Variants in ANTKMT observed in about 807,000 individuals in gnomAD.
ANTKMT encodes adenine nucleotide translocase lysine methyltransferase, also known as adenine nucleotide translocase lysine N-methyltransferase.
Under a neutral mutation model 20.7 loss-of-function variants are expected in ANTKMT, and 24 were observed. The ratio of observed to expected loss-of-function variants is 1.16; its 90% CI spans 0.84 to 1.63. The LOEUF is 1.63. ANTKMT is among the 40% of genes most tolerant of loss of function. The pLI, the probability that ANTKMT is intolerant of heterozygous loss-of-function variation, is 0.00. For synonymous variants in ANTKMT, 193 were observed against 161.2 expected (o/e 1.20, Z -1.49); for missense variants, 428 against 334.8 (o/e 1.28, Z -2.17).
intron 1 of ANTKMT, 28 bp from the exon 2 acceptor site, chr16:721,570 A>G: frequency 2.0e-6 from 3 of 1,527,376 alleles, no homozygotes; most frequent in African/African-American, 2.8e-5. Flanking sequence ...GGGAGCGGCC[A>G]GTGGACTCTC....
In ANTKMT at chr16:722,122, G is replaced by A. The variant is rs770607662; in HGVS notation, c.447G>A (p.Leu149=). 1.2e-5 allele frequency: 20 copies of A among 1,608,982 alleles called. No individual in the cohort carries two copies. The Middle Eastern group carries it at 4.9e-4, about 40-fold the overall frequency. The change falls in exon 4 of 5, where the codon CTG becomes CTA. Residue 149 remains leucine, a synonymous_variant. Coordinates refer to ENST00000569529, the MANE Select transcript of ANTKMT (RefSeq NM_023933.3). ...ACTGCCGCAACGTGTCTGTGTTCCT[G>A]GCCCCTAGCGTGGTAGGTGCGGGGT... is the stretch of plus-strand genomic sequence containing the variant. ...LRDCRNVSVF[L]APSVLPLLED...
rs1032775585 is a variant in ANTKMT, at chr16:721,837, G to A, written c.304G>A (p.Val102Met). The A allele has an allele frequency of 3.8e-6, 6 of 1,559,920 alleles. No individual in the cohort carries two copies. The highest frequency in any genetic ancestry group is 5.2e-6 in the Non-Finnish European group (6 of 1,158,196). Residue 102 changes from valine (V) to methionine (M), a missense_variant, in exon 3 of 5, where the codon GTG (valine) becomes ATG (methionine). Transcript: ENST00000569529. ...CCACAGGTGCGGCCTCCGCCCGGCC[G>A]TGGGCTACGAGCTGAACCCCTGGCT... is the stretch of plus-strand genomic sequence containing the variant. ...AAHRCGLRPA[V>M]GYELNPWLVA...
intron 4 of ANTKMT, 45 bp downstream of exon 4, chr16:722,179 C>A (rs746905773): frequency 2.5e-6 from 4 of 1,596,278 alleles, no homozygotes; most frequent in Non-Finnish European, 3.4e-6. Flanking sequence ...CCAGCCACAC[C>A]CCAGGGTGTT....
At position 722,066 on chromosome 16, in the gene ANTKMT, C is replaced by A. The variant is rs371524648; in HGVS notation, c.409-18C>A. 1.3e-6 allele frequency: 2 copies of A among 1,597,594 alleles called. No individual in the cohort carries two copies. The highest frequency in any genetic ancestry group is 1.1e-5 in the South Asian group (1 of 88,500). On this transcript the variant is annotated intron_variant, in intron 3 of 4. Coordinates refer to ENST00000569529, the MANE Select transcript of ANTKMT (RefSeq NM_023933.3). ...CCACCAGGCCTCTCCCCGGCCGGGGCGACTTCTCTTCCGGCAGGTGAGCCT... is the reference window on the plus strand; with the variant it reads ...CCACCAGGCCTCTCCCCGGCCGGGGAGACTTCTCTTCCGGCAGGTGAGCCT...
In ANTKMT at chr16:721,184, A is replaced by G; in HGVS notation, c.-91A>G. 3 of 1,170,358 alleles carry G rather than the reference A, an allele frequency of 2.6e-6. No homozygotes were observed. The highest frequency in any genetic ancestry group is 2.1e-6 in the Non-Finnish European group (2 of 941,214). The allele number at this position is 1,170,358 out of a possible 1,614,324, so 72.5% of individuals were successfully genotyped here. On this transcript the variant is annotated 5_prime_UTR_variant, in exon 1 of 5. Transcript: ENST00000569529. Reference sequence around the variant, plus strand: ...CGCGGCGGCTCCCGGCAGGAGGCAGAGGGCACACCGCCAGCCCCAGGCCAG... The same window carrying G: ...CGCGGCGGCTCCCGGCAGGAGGCAGGGGGCACACCGCCAGCCCCAGGCCAG...
In ANTKMT at chr16:722,535, G is replaced by A. The variant is rs752560338; in HGVS notation, c.686G>A (p.Gly229Asp). The change falls in exon 5 of 5, where the codon GGC (glycine) becomes GAC (aspartate). Residue 229 changes from glycine (G) to aspartate (D), a missense_variant. Gly to Asp is a moderately conservative substitution (Grantham distance 94). Transcript: ENST00000569529. ...PGPSSAPIPG[G>D]LISQAS ...CCTAGTTCTGCCCCCATCCCGGGGG[G>A]CCTTATTTCTCAGGCCAGCTGAGTA... The A allele has an allele frequency of 2.5e-6, 4 of 1,604,394 alleles. No homozygotes were observed. Among genetic ancestry groups the A allele is most frequent in the South Asian group, 2.2e-5 (2 of 90,938 alleles).
At chr16:722,004 TG>T (rs1210829240) in intron 3 of ANTKMT, 63 bp downstream of exon 3, 2 of 1,551,126 alleles carry the variant, frequency 1.3e-6, no homozygotes, top group African/African-American at 1.4e-5. Flanking sequence ...CTGCGAGGGC[TG>T]GGGGCCGGGA....
At chr16:721,726 CGCCGCCCCACACCGCCCACCTGCT>C in intron 2 of ANTKMT, 24 bp downstream of exon 2, 2 of 1,545,544 alleles carry the variant, frequency 1.3e-6, no homozygotes, top group South Asian at 1.2e-5. Flanking sequence ...TCTGGGTCTT[CGCCGCCCCACACCGCCCACCTGCT>C]GGCGGGCGCC....
At position 722,438 on chromosome 16, in the gene ANTKMT, TATG is replaced by T; in HGVS notation, c.593_595del (p.Asp198del). 4 of 1,610,428 alleles carry T rather than the reference TATG, an allele frequency of 2.5e-6. No homozygotes were observed. In the African/African-American group the frequency reaches 4.0e-5, roughly 16 times the overall value. On this transcript the variant is annotated inframe_deletion, in exon 5 of 5. Coordinates refer to ENST00000569529, the MANE Select transcript of ANTKMT (RefSeq NM_023933.3). Reference sequence around the variant, plus strand: ...CGAGGGCCTGGACCGAGTATGGGCTTATGATGTTCCTGAGGGTGGGCAGGCTGG... The same window carrying T: ...CGAGGGCCTGGACCGAGTATGGGCTTATGTTCCTGAGGGTGGGCAGGCTGG...
rs1391651572 is a variant in ANTKMT at position 721,862 on chromosome 16, T to A, written c.329T>A (p.Leu110Gln). ...GTGGGCTACGAGCTGAACCCCTGGCTGGTGGCGCTGGCGCGGCTGCACGCC... is the reference window on the plus strand; with the variant it reads ...GTGGGCTACGAGCTGAACCCCTGGCAGGTGGCGCTGGCGCGGCTGCACGCC... ...PAVGYELNPW[L>Q]VALARLHAWR... Residue 110 changes from leucine to glutamine, a missense_variant, in exon 3 of 5, where the codon CTG (leucine) becomes CAG (glutamine). By Grantham distance (113) the Leu-to-Gln change is moderately radical. Transcript: ENST00000569529. 6.4e-7 allele frequency: 1 copy of A among 1,566,284 alleles called. No homozygotes were observed. Among genetic ancestry groups the A allele is most frequent in the Non-Finnish European group, 8.6e-7 (1 of 1,162,946 alleles).
chr16:721,281 C>T lies in ANTKMT; in HGVS notation c.7C>T (p.Gln3Ter). The change falls in exon 1 of 5, where the codon CAG becomes TAG. Residue 3 changes from glutamine (Q) to a stop codon, truncating the protein, a stop_gained. Coordinates refer to ENST00000569529, the MANE Select transcript of ANTKMT (RefSeq NM_023933.3). LOFTEE classifies it high-confidence loss of function. Reference sequence around the variant, plus strand: ...AGCCGCGCGTCCCGCAGCCATGGAGCAGGACGACCCGGTCGAGGCGCTGAC... The same window carrying T: ...AGCCGCGCGTCCCGCAGCCATGGAGTAGGACGACCCGGTCGAGGCGCTGAC... The part of the protein sequence containing the change: ME[Q>*]DDPVEALTEL... The T allele has an allele frequency of 7.6e-7, 1 of 1,320,642 alleles. No homozygotes were observed. The allele number at this position is 1,320,642 out of a possible 1,614,324, so 81.8% of individuals were successfully genotyped here.
chr16:722,282 C>T (rs757989602), intron 4 of ANTKMT, 27 bp from the exon 5 acceptor site: 2 of 1,601,764 alleles, frequency 1.2e-6, no homozygotes, highest in African/African-American at 1.3e-5. Flanking sequence ...GCCCCCGCCC[C>T]CTCTACTCTG....
rs750351688 is a variant in ANTKMT, at chr16:722,300, C to T, written c.460-9C>T. 8.7e-6 allele frequency: 14 copies of T among 1,606,418 alleles called. No individual in the cohort carries two copies. Among genetic ancestry groups the T allele is most frequent in the Middle Eastern group, 1.6e-4 (1 of 6,062 alleles). On this transcript the variant is annotated splice_polypyrimidine_tract_variant and intron_variant, in intron 4 of 4. Coordinates refer to ENST00000569529, the MANE Select transcript of ANTKMT (RefSeq NM_023933.3). ...CCCGCCCCCTCTACTCTGCTGTTCTCTCCCTCAGCTCCCGCTGCTGGAGGA... is the reference window on the plus strand; with the variant it reads ...CCCGCCCCCTCTACTCTGCTGTTCTTTCCCTCAGCTCCCGCTGCTGGAGGA...
At chr16:721,557 G>T in intron 1 of ANTKMT, 41 bp from the exon 2 acceptor site, 1 of 1,513,822 alleles carries the variant, frequency 6.6e-7, no homozygotes, top group Non-Finnish European at 8.8e-7. Flanking sequence ...CTGCGGGCGG[G>T]GCGGGAGCGG....
At position 722,381 on chromosome 16, in the gene ANTKMT, C is replaced by T. The variant is rs761375228; in HGVS notation, c.532C>T (p.Leu178Phe). Residue 178 changes from leucine (L) to phenylalanine (F), a missense_variant, in exon 5 of 5, where the codon CTC (leucine) becomes TTC (phenylalanine). Leu to Phe is a conservative substitution (Grantham distance 22, BLOSUM62 0). Transcript: ENST00000569529. ...CCGCGTGGTGTCTGGGCGCTTCCCA[C>T]TCCCCACCTGGCAGCCTGTGACCGC... Reference protein sequence around the residue: ...GARVVSGRFPLPTWQPVTAVG... With the variant: ...GARVVSGRFPFPTWQPVTAVG... 75 of 1,602,898 alleles carry T rather than the reference C, an allele frequency of 4.7e-5. No homozygotes were observed. Among genetic ancestry groups the T allele is most frequent in the Non-Finnish European group, 5.7e-5 (67 of 1,175,228 alleles).
Position 722,300 on chromosome 16 carries a change from CTCCCTCAGCT to C in ANTKMT, c.460-8_461del, listed in dbSNP as rs1317062693. ...CCCGCCCCCTCTACTCTGCTGTTCTCTCCCTCAGCTCCCGCTGCTGGAGGACAAGCTGCGG... is the reference window on the plus strand; with the variant it reads ...CCCGCCCCCTCTACTCTGCTGTTCTCCCCGCTGCTGGAGGACAAGCTGCGG... On this transcript the variant is annotated splice_acceptor_variant and splice_polypyrimidine_tract_variant and coding_sequence_variant and intron_variant, in exon 5 of 5. Transcript: ENST00000569529. LOFTEE classifies it high-confidence loss of function. The C allele has an allele frequency of 1.9e-5, 31 of 1,606,536 alleles. No homozygotes were observed. Among genetic ancestry groups the C allele is most frequent in the Non-Finnish European group, 2.6e-5 (31 of 1,177,222 alleles).
intron 4 of ANTKMT, 32 bp from the exon 5 acceptor site, chr16:722,277 C>G: frequency 2.5e-6 from 4 of 1,597,060 alleles, no homozygotes; most frequent in Non-Finnish European, 3.4e-6. Flanking sequence ...GCCCCGCCCC[C>G]GCCCCCTCTA....
chr16:721,753 C>T, intron 2 of ANTKMT, 48 bp from the exon 3 acceptor site: 1 of 1,534,422 alleles, frequency 6.5e-7, no homozygotes, highest in Non-Finnish European at 8.8e-7. Context: ...CACCTGCTGG[C>T]GGGCGCCCCT....
chr16:721,781 C>G lies in ANTKMT; in HGVS notation c.268-20C>G, dbSNP rs1404564754. 1 of 1,536,844 alleles carries G rather than the reference C, an allele frequency of 6.5e-7. No homozygotes were observed. Among genetic ancestry groups the G allele is most frequent in the African/African-American group, 1.4e-5 (1 of 72,286 alleles). On this transcript the variant is annotated intron_variant, in intron 2 of 4. Coordinates refer to ENST00000569529, the MANE Select transcript of ANTKMT (RefSeq NM_023933.3). ...GCGCCCCTGCCCACATCCTGGTTCC[C>G]ACACTCTCGGTGCCCACAGGTGCTG...
Sources: gnomAD v4.1 joint callset for allele counts on GRCh38, gnomAD v4.1.1 for gene constraint, MANE v1.5 for transcripts, NCBI Gene and HGNC (gene_info 2026-07-23, HGNC 2026-07-21) for gene names.